Variants in KCND2 observed in about 807,000 individuals in gnomAD.
KCND2 encodes the protein A-type voltage-gated potassium channel KCND2.
Under a neutral mutation model 54.4 loss-of-function variants are expected in KCND2, and 16 were observed. That is an observed-to-expected ratio of 0.29 (90% CI 0.20 to 0.45). The LOEUF is 0.45. Ranked by LOEUF, KCND2 falls within the 20% of genes least tolerant of loss-of-function variation. KCND2 has a pLI of 1.00. For missense variants in KCND2, 486 were observed against 824.2 expected (o/e 0.59, Z 5.02); for synonymous variants, 317 against 310.7 (o/e 1.02, Z -0.21).
At chr7:120,576,178 TACAC>T (rs1792431310) in intron 1 of KCND2, among the ~76,000 whole-genome samples, 2 of 152,102 alleles carry the variant, frequency 1.3e-5, no homozygotes, top group Admixed American at 1.3e-4. Flanking sequence ...CACACACACA[TACAC>T]ACCCACACAA....
In KCND2 at chr7:120,273,352, G is replaced by C. The variant is rs1431955638; in HGVS notation, c.-1281G>C. On this transcript the variant is annotated 5_prime_UTR_variant, in exon 1 of 6. Coordinates refer to ENST00000331113, the MANE Select transcript of KCND2 (RefSeq NM_012281.3). The stretch of plus-strand genomic sequence containing the variant: ...CCGAGCGCCTTCTGCCTCCGCGCTC[G>C]GACGAGAGCCCGTGCCGGCCCCGGC... Among the ~76,000 whole-genome samples, 4 of 149,332 alleles carry C rather than the reference G, an allele frequency of 2.7e-5. No homozygotes were observed. Among genetic ancestry groups the C allele is most frequent in the Non-Finnish European group, 4.5e-5 (3 of 67,104 alleles).
intron 1 of KCND2, among the ~76,000 whole-genome samples, chr7:120,317,615 A>G (rs1226135517): frequency 3.3e-5 from 5 of 152,214 alleles, no homozygotes; most frequent in African/African-American, 9.6e-5. Flanking sequence ...ATTTAAGGAT[A>G]GGTTTAGAAT....
chr7:120,314,836 T>A (rs1324594849), intron 1 of KCND2, among the ~76,000 whole-genome samples: 1 of 152,178 alleles, frequency 6.6e-6, no homozygotes, highest in East Asian at 1.9e-4. Context: ...ATACAAAATG[T>A]TATTTAAAAA....
At chr7:120,335,774 C>T (rs149830586) in intron 1 of KCND2, among the ~76,000 whole-genome samples, 12 of 152,230 alleles carry the variant, frequency 7.9e-5, no homozygotes, top group Middle Eastern at 3.4e-3. Context: ...CGTGAGCCAC[C>T]GCGCCCGGCT....
intron 1 of KCND2, among the ~76,000 whole-genome samples, chr7:120,516,034 A>G (rs1803192049): frequency 6.6e-6 from 1 of 152,072 alleles, no homozygotes; most frequent in South Asian, 2.1e-4. Flanking sequence ...CTTCTGTATT[A>G]TATTATCTCC....
intron 1 of KCND2, among the ~76,000 whole-genome samples, chr7:120,409,079 T>C (rs186571999): frequency 1.6e-3 from 239 of 152,030 alleles, no homozygotes; most frequent in African/African-American, 5.2e-3. Context: ...CTACATATTT[T>C]AATAAGACCA....
In KCND2 at chr7:120,416,857, T is replaced by A. The variant is rs189416604; in HGVS notation, c.1115+141110T>A. 4.1e-4 allele frequency among the ~76,000 whole-genome samples: 63 copies of A among 152,298 alleles called. No homozygotes were observed. The East Asian group carries it at 0.011, about 27-fold the overall frequency. ...TGCAGGTATTTAGAAAGCCTTGTTT[T>A]TCCTTTGAGGCAGAGTCTCGCTCTG... On this transcript the variant is annotated intron_variant, in intron 1 of 5. Coordinates refer to ENST00000331113, the MANE Select transcript of KCND2 (RefSeq NM_012281.3).
chr7:120,413,179 T>A (rs1479474757), intron 1 of KCND2, among the ~76,000 whole-genome samples: 1 of 152,088 alleles, frequency 6.6e-6, no homozygotes, highest in Non-Finnish European at 1.5e-5. Flanking sequence ...TTGATATAAT[T>A]GATAGTGGCT....
chr7:120,544,866 A>G (rs556556107), intron 1 of KCND2, among the ~76,000 whole-genome samples: 11 of 152,024 alleles, frequency 7.2e-5, no homozygotes, highest in African/African-American at 1.7e-4. Context: ...GATAAAAGAT[A>G]ATAAGAGATA....
At chr7:120,557,413 G>A (rs1792179017) in intron 1 of KCND2, among the ~76,000 whole-genome samples, 1 of 152,002 alleles carries the variant, frequency 6.6e-6, no homozygotes, top group Non-Finnish European at 1.5e-5. Flanking sequence ...ATAAGACCTA[G>A]TGTTATAAGT....
At chr7:120,454,710 G>T (rs995340511) in intron 1 of KCND2, among the ~76,000 whole-genome samples, 2 of 150,928 alleles carry the variant, frequency 1.3e-5, no homozygotes, top group African/African-American at 4.8e-5. Flanking sequence ...AGGAATAAAA[G>T]GCATCCAAAT....
chr7:120,373,384 A>C (rs1800790125), intron 1 of KCND2, among the ~76,000 whole-genome samples: 1 of 151,940 alleles, frequency 6.6e-6, no homozygotes. Context: ...GCCAGTGTAC[A>C]TTCATCATAT....
chr7:120,388,302 G>T (rs950775685), intron 1 of KCND2, among the ~76,000 whole-genome samples: 1 of 152,016 alleles, frequency 6.6e-6, no homozygotes, highest in African/African-American at 2.4e-5. Context: ...TCATTGAGTT[G>T]TACCTGCTTA....
intron 1 of KCND2, among the ~76,000 whole-genome samples, chr7:120,325,990 A>T (rs1799968371): frequency 6.6e-6 from 1 of 152,076 alleles, no homozygotes; most frequent in African/African-American, 2.4e-5. Context: ...GTACAAATTG[A>T]TTTTTTAAAG....
chr7:120,735,779 G>A (rs572461764), intron 2 of KCND2, among the ~76,000 whole-genome samples: 91 of 151,998 alleles, frequency 6.0e-4, no homozygotes, highest in African/African-American at 2.1e-3. Flanking sequence ...TGAAAAAATT[G>A]GATTAATAAA....
intron 1 of KCND2, among the ~76,000 whole-genome samples, chr7:120,493,592 A>G (rs1802812855): frequency 6.6e-6 from 1 of 152,142 alleles, no homozygotes; most frequent in Non-Finnish European, 1.5e-5. Flanking sequence ...ACAGAAAAAC[A>G]CAGACACCAG....
At chr7:120,469,718 A>G (rs912030851) in intron 1 of KCND2, among the ~76,000 whole-genome samples, 10 of 152,104 alleles carry the variant, frequency 6.6e-5, no homozygotes, top group South Asian at 4.1e-4. Context: ...GATCAGCACA[A>G]ATTTCTCCCA....
chr7:120,461,230 C>G (rs182338381), intron 1 of KCND2, among the ~76,000 whole-genome samples: 2 of 152,112 alleles, frequency 1.3e-5, no homozygotes, highest in Non-Finnish European at 2.9e-5. Flanking sequence ...TTGACAGGAT[C>G]GCAGATAATT....
At chr7:120,716,202 T>G (rs759650692) in intron 1 of KCND2, among the ~76,000 whole-genome samples, 4 of 151,988 alleles carry the variant, frequency 2.6e-5, no homozygotes, top group Admixed American at 1.3e-4. Flanking sequence ...TTTTATTCCT[T>G]CTAAACTGTA....
Sources: allele counts gnomAD v4.1 joint callset (sites outside exome capture counted in the v4.1 genomes callset), GRCh38; gene constraint gnomAD v4.1.1; transcripts MANE v1.5; gene names NCBI Gene and HGNC (gene_info 2026-07-23, HGNC 2026-07-21).